Variants in LYST observed in about 807,000 individuals in gnomAD.
The protein encoded by LYST is lysosomal trafficking regulator.
In LYST, 192 loss-of-function variants were observed where a neutral mutation model predicts 413.6. The observed-to-expected ratio is 0.46, with a 90% CI of 0.41 to 0.52. The LOEUF is 0.52. Among genes scored for constraint, LYST ranks in the 20% least tolerant of loss-of-function variants. LYST has a pLI of 0.00. For missense variants in LYST, 3,815 were observed against 4,499.9 expected (o/e 0.85, Z 4.35); for synonymous variants, 1,525 against 1,567.3 (o/e 0.97, Z 0.64).
At chr1:235,776,934 A>C in intron 17 of LYST, 129 bp downstream of exon 17, 1 of 739,810 alleles carries the variant, frequency 1.4e-6, no homozygotes. Context: ...TTAATATGTA[A>C]TTTTTTTATG....
intron 12 of LYST, 33 bp downstream of exon 12, chr1:235,791,666 T>A: frequency 6.5e-7 from 1 of 1,550,166 alleles, no homozygotes; most frequent in South Asian, 1.1e-5. Flanking sequence ...AAAACAATCT[T>A]TGTGTACAAA....
chr1:235,665,740 T>G (rs1449838969), intron 50 of LYST, among the ~76,000 whole-genome samples: 1 of 152,140 alleles, frequency 6.6e-6, no homozygotes, highest in African/African-American at 2.4e-5. Flanking sequence ...CATCTAAGAT[T>G]AAATCTTATA....
At chr1:235,877,686 G>A (rs1171645764) in intron 1 of LYST, among the ~76,000 whole-genome samples, 5 of 152,130 alleles carry the variant, frequency 3.3e-5, no homozygotes, top group South Asian at 2.1e-4. Context: ...GATTACAAGC[G>A]TGAGCCACCG....
intron 1 of LYST, among the ~76,000 whole-genome samples, chr1:235,862,592 TC>T (rs376080581): frequency 1.8e-4 from 27 of 152,178 alleles, no homozygotes; most frequent in African/African-American, 6.3e-4. Flanking sequence ...GGTCAGCAGT[TC>T]GAGACCAGCC....
chr1:235,710,727 AG>A (rs1390057690), intron 43 of LYST, among the ~76,000 whole-genome samples: 2 of 152,194 alleles, frequency 1.3e-5, no homozygotes, highest in Non-Finnish European at 2.9e-5. Context: ...CTCAATGAAT[AG>A]GAAGAATACA....
rs752644083 is a variant in LYST, at chr1:235,720,808, C to T, written c.9413G>A (p.Gly3138Glu). 9.9e-6 allele frequency: 16 copies of T among 1,613,838 alleles called. No individual in the cohort carries two copies. Among genetic ancestry groups the T allele is most frequent in the Non-Finnish European group, 1.3e-5 (15 of 1,179,966 alleles). Residue 3138 changes from glycine to glutamate, a missense_variant, in exon 40 of 53, where the codon GGG (glycine) becomes GAG (glutamate). By Grantham distance (98) the Gly-to-Glu change is moderately conservative. Transcript: ENST00000389793. ...CAAATATTCAAAATTAGTAATTTGC[C>T]CAGTATACCATAAATTTGTCAGAGC... ...ITALTNLWYT[G>E]QITNFEYLTH...
chr1:235,695,142 C>T (rs1372012488), intron 46 of LYST, among the ~76,000 whole-genome samples: 2 of 152,174 alleles, frequency 1.3e-5, no homozygotes, highest in South Asian at 4.1e-4. Context: ...ATTTACAGGC[C>T]AATAAGCATT....
intron 40 of LYST, among the ~76,000 whole-genome samples, chr1:235,717,839 G>C (rs1010817724): frequency 6.6e-6 from 1 of 151,542 alleles, no homozygotes; most frequent in African/African-American, 2.4e-5. Flanking sequence ...TTATAGAATA[G>C]ATACAAATTA....
chr1:235,738,118 T>G, intron 31 of LYST: 1 of 1,608,254 alleles, frequency 6.2e-7, no homozygotes, highest in Non-Finnish European at 8.5e-7. Flanking sequence ...ATCGGTATCT[T>G]AATGAAGGAC....
chr1:235,677,081 G>A lies in LYST; in HGVS notation c.11038+10C>T. On this transcript the variant is annotated intron_variant, in intron 50 of 52. Coordinates refer to ENST00000389793, the MANE Select transcript of LYST (RefSeq NM_000081.4). ...AGCCAGCCCTGTGCTTTGGGTTGGA[G>A]CAAGCTCACCTGAATCACACACAGT... 1.9e-6 allele frequency: 3 copies of A among 1,608,824 alleles called. No individual in the cohort carries two copies. Among genetic ancestry groups the A allele is most frequent in the Non-Finnish European group, 1.7e-6 (2 of 1,175,244 alleles).
At chr1:235,681,790 A>T (rs1659834338) in intron 48 of LYST, among the ~76,000 whole-genome samples, 1 of 152,038 alleles carries the variant, frequency 6.6e-6, no homozygotes, top group African/African-American at 2.4e-5. Context: ...TCACATTTGG[A>T]TGCTCTCATT....
At chr1:235,871,088 T>C (rs1572508404), upstream of LYST, among the ~76,000 whole-genome samples, 1 of 152,262 alleles carries the variant, frequency 6.6e-6, no homozygotes, top group East Asian at 1.9e-4. Context: ...TTAGGATGCA[T>C]ATACATCTTT....
intron 1 of LYST, 93 bp downstream of exon 1, chr1:235,866,750 C>G (rs1403786832): frequency 6.6e-6 from 1 of 152,222 alleles, no homozygotes; most frequent in African/African-American, 2.4e-5. Context: ...CTGACAGCCA[C>G]CAGCCCCAAA....
intron 50 of LYST, among the ~76,000 whole-genome samples, chr1:235,670,350 G>A (rs1258260081): frequency 6.6e-6 from 1 of 152,218 alleles, no homozygotes; most frequent in Non-Finnish European, 1.5e-5. Flanking sequence ...GACGGATGCA[G>A]GCAGCACCCT....
At position 235,733,682 on chromosome 1, in the gene LYST, C is replaced by T; in HGVS notation, c.8622G>A (p.Gln2874=). 2 of 1,612,064 alleles carry T rather than the reference C, an allele frequency of 1.2e-6. No individual in the cohort carries two copies. Among genetic ancestry groups the T allele is most frequent in the Non-Finnish European group, 1.7e-6 (2 of 1,178,346 alleles). ...TVNNNQQSLF[Q]RLDSKSKDIS... Reference sequence around the variant, plus strand: ...TATCCTTTGATTTTGAATCCAGACGCTGAAAGAGACTAAACAAATAATAAG... The same window carrying T: ...TATCCTTTGATTTTGAATCCAGACGTTGAAAGAGACTAAACAAATAATAAG... The change falls in exon 34 of 53, where the codon CAG becomes CAA. Residue 2874 remains glutamine (Q), a synonymous_variant. Coordinates refer to ENST00000389793, the MANE Select transcript of LYST (RefSeq NM_000081.4).
intron 42 of LYST, 64 bp downstream of exon 42, chr1:235,715,131 AGTTGTT>A (rs3831362): frequency 1.1e-4 from 128 of 1,176,626 alleles, no homozygotes; most frequent in East Asian, 8.9e-4. Context: ...GTCAGTCCTA[AGTTGTT>A]GTTGTTGTTG....
intron 24 of LYST, among the ~76,000 whole-genome samples, chr1:235,756,330 C>A (rs1394364923): frequency 6.6e-6 from 1 of 152,178 alleles, no homozygotes; most frequent in Non-Finnish European, 1.5e-5. Flanking sequence ...ATGAATCCTT[C>A]CGTTTCCCCT....
At chr1:235,818,791 A>G (rs906195104) in intron 3 of LYST, among the ~76,000 whole-genome samples, 8 of 152,168 alleles carry the variant, frequency 5.3e-5, no homozygotes, top group Admixed American at 3.9e-4. Flanking sequence ...CGCTGTACTG[A>G]TAATTCAGCC....
chr1:235,742,903 A>T (rs1665559627), intron 30 of LYST, among the ~76,000 whole-genome samples: 1 of 152,164 alleles, frequency 6.6e-6, no homozygotes, highest in African/African-American at 2.4e-5. Context: ...TACTCATTGT[A>T]AAAAGGGAGA....
Sources: gnomAD v4.1 joint callset for allele counts (sites outside exome capture counted in the v4.1 genomes callset) on GRCh38, gnomAD v4.1.1 for gene constraint, MANE v1.5 for transcripts, NCBI Gene and HGNC (gene_info 2026-07-23, HGNC 2026-07-21) for gene names.